TLL1: variants seen among roughly 807,000 people sequenced by gnomAD.
TLL1 encodes the protein tolloid like 1.
In TLL1, 49 loss-of-function variants were observed where a neutral mutation model predicts 128.2. That is an observed-to-expected ratio of 0.38 (90% confidence interval 0.30 to 0.48). The LOEUF is 0.48. Ranked by LOEUF, TLL1 falls within the 20% of genes least tolerant of loss-of-function variation. The pLI, the probability that TLL1 is intolerant of heterozygous loss-of-function variation, is 0.96. For synonymous variants in TLL1, 454 were observed against 418.8 expected (o/e 1.08, Z -1.03); for missense variants, 1,123 against 1,242.0 (o/e 0.90, Z 1.44).
intron 1 of TLL1, among the ~76,000 whole-genome samples, chr4:165,940,039 A>G (rs1313259611): frequency 6.6e-6 from 1 of 152,046 alleles, no homozygotes; most frequent in Admixed American, 6.6e-5. Flanking sequence ...ATACATGGAT[A>G]CAATTCAGAT....
At chr4:165,892,475 A>G (rs574932567) in intron 1 of TLL1, among the ~76,000 whole-genome samples, 1 of 152,318 alleles carries the variant, frequency 6.6e-6, no homozygotes, top group Admixed American at 6.5e-5. Context: ...CTTGACTTGT[A>G]TGTATGAATA....
intron 18 of TLL1, among the ~76,000 whole-genome samples, chr4:166,082,087 A>G (rs1396944811): frequency 2.0e-5 from 3 of 152,120 alleles, no homozygotes; most frequent in Admixed American, 6.6e-5. Context: ...ACAGTATTAA[A>G]CTTTATTTTA....
At chr4:166,078,379 T>C (rs1741135009) in intron 18 of TLL1, among the ~76,000 whole-genome samples, 1 of 152,204 alleles carries the variant, frequency 6.6e-6, no homozygotes, top group Non-Finnish European at 1.5e-5. Context: ...CAGAAAGCGA[T>C]AGAATAATAT....
intron 1 of TLL1, among the ~76,000 whole-genome samples, chr4:165,896,781 C>T (rs1382505171): frequency 1.3e-5 from 2 of 152,058 alleles, no homozygotes; most frequent in Non-Finnish European, 2.9e-5. Flanking sequence ...CCGCACCTGG[C>T]TGTCAAATGG....
Position 166,025,491 on chromosome 4 carries a change from C to T in TLL1, c.1158+60C>T, listed in dbSNP as rs978555070. The T allele has an allele frequency of 9.9e-6, 13 of 1,306,770 alleles. No homozygotes were observed. The African/African-American group carries it at 1.9e-4, about 19-fold the overall frequency. 80.9% of individuals were successfully genotyped at this position (1,306,770 alleles called of 1,614,324 possible). On this transcript the variant is annotated intron_variant, in intron 9 of 20. Coordinates refer to ENST00000061240, the MANE Select transcript of TLL1 (RefSeq NM_012464.5). ...TATATAAGTACAAAAGTTCATCATC[C>T]TTCAAATATAAATTTGCTTTATCCT...
intron 1 of TLL1, among the ~76,000 whole-genome samples, chr4:165,946,499 ATTT>A (rs59178153): frequency 0.011 from 1,471 of 128,936 alleles, 29 homozygotes; most frequent in African/African-American, 0.042. Context: ...TACCCAGCTA[ATTT>A]TTTTTTTTTT....
At chr4:165,966,197 G>T in intron 1 of TLL1, among the ~76,000 whole-genome samples, 1 of 140,142 alleles carries the variant, frequency 7.1e-6, no homozygotes, top group African/African-American at 2.6e-5. Context: ...AAAAAAAAAA[G>T]AAGGATTAGA....
chr4:166,015,731 A>T (rs2111053183), intron 8 of TLL1, among the ~76,000 whole-genome samples: 1 of 152,126 alleles, frequency 6.6e-6, no homozygotes, highest in East Asian at 1.9e-4. Flanking sequence ...GGAAGTTCAT[A>T]ATTCTGTATG....
intron 1 of TLL1, among the ~76,000 whole-genome samples, chr4:165,963,522 C>A (rs1735220870): frequency 6.6e-6 from 1 of 151,968 alleles, no homozygotes; most frequent in Admixed American, 6.6e-5. Context: ...AGATTATATT[C>A]TCCTTACAGC....
At chr4:166,075,632 T>A (rs1367499060) in intron 17 of TLL1, among the ~76,000 whole-genome samples, 1 of 152,192 alleles carries the variant, frequency 6.6e-6, no homozygotes, top group Non-Finnish European at 1.5e-5. Context: ...ATGAACTGGA[T>A]GAGAACAATA....
chr4:165,881,676 T>C (rs1319276794), intron 1 of TLL1, among the ~76,000 whole-genome samples: 2 of 152,222 alleles, frequency 1.3e-5, no homozygotes, highest in Non-Finnish European at 2.9e-5. Context: ...ACGAGTGAAA[T>C]ACCTACTTAT....
intron 18 of TLL1, among the ~76,000 whole-genome samples, chr4:166,082,663 T>C (rs540184018): frequency 3.9e-4 from 59 of 152,186 alleles, no homozygotes; most frequent in Admixed American, 2.2e-3. Context: ...TCTTTAACTT[T>C]TTTGTTTTTG....
intron 1 of TLL1, among the ~76,000 whole-genome samples, chr4:165,902,569 C>T (rs913295439): frequency 1.3e-5 from 2 of 152,050 alleles, no homozygotes; most frequent in South Asian, 2.1e-4. Flanking sequence ...CTGGGTGAGG[C>T]GACGCCCCAC....
intron 1 of TLL1, among the ~76,000 whole-genome samples, chr4:165,931,700 C>T (rs192414403): frequency 0.011 from 1,534 of 140,934 alleles, 28 homozygotes; most frequent in Middle Eastern, 0.016. Context: ...GCCTGGGCGA[C>T]AGAGTAAGAC....
intron 5 of TLL1, 91 bp from the exon 6 acceptor site, chr4:166,003,300 C>T (rs1737253091): frequency 3.1e-6 from 4 of 1,299,034 alleles, no homozygotes; most frequent in Non-Finnish European, 4.5e-6. Flanking sequence ...GACTTTATAG[C>T]TCATCACTAT....
At chr4:165,877,506 A>G (rs1416985661) in intron 1 of TLL1, among the ~76,000 whole-genome samples, 1 of 152,232 alleles carries the variant, frequency 6.6e-6, no homozygotes, top group East Asian at 1.9e-4. Flanking sequence ...ATGCTGCAAG[A>G]GCTCATTCCA....
rs1221167107 is a variant in TLL1 at position 166,091,283 on chromosome 4, T to A, written c.2598T>A (p.Val866=). ...PLVATGNKMF[V]RFVSDASVQR... Reference sequence around the variant, plus strand: ...TGGCTACTGGAAATAAAATGTTTGTTCGGTTTGTTTCTGATGCATCTGTTC... The same window carrying A: ...TGGCTACTGGAAATAAAATGTTTGTACGGTTTGTTTCTGATGCATCTGTTC... Residue 866 remains valine, a synonymous_variant, in exon 19 of 21, where the codon GTT becomes GTA. Transcript: ENST00000061240. 1 of 1,613,108 alleles carries A rather than the reference T, an allele frequency of 6.2e-7. No homozygotes were observed. The highest frequency in any genetic ancestry group is 1.1e-5 in the South Asian group (1 of 91,050).
At chr4:165,984,386 G>A (rs953395199) in intron 1 of TLL1, among the ~76,000 whole-genome samples, 3 of 151,838 alleles carry the variant, frequency 2.0e-5, no homozygotes, top group Non-Finnish European at 4.4e-5. Context: ...TAAAATATAT[G>A]TCTTAGAACT....
chr4:166,093,813 G>A (rs1052014712), intron 19 of TLL1, among the ~76,000 whole-genome samples: 4 of 152,136 alleles, frequency 2.6e-5, no homozygotes, highest in African/African-American at 9.7e-5. Context: ...GAATGGCGAT[G>A]ACTTTTACCA....
Sources: allele counts gnomAD v4.1 joint callset (sites outside exome capture counted in the v4.1 genomes callset), GRCh38; gene constraint gnomAD v4.1.1; transcripts MANE v1.5; gene names NCBI Gene and HGNC (gene_info 2026-07-23, HGNC 2026-07-21).